Variants in HDAC9 observed in about 807,000 individuals in gnomAD.
HDAC9 encodes MEF-2 interacting transcription repressor (MITR) protein.
In HDAC9, 41 loss-of-function variants were observed where a neutral mutation model predicts 139.4. The observed-to-expected ratio is 0.29, with a 90% CI of 0.23 to 0.38. The LOEUF (loss-of-function observed/expected upper bound fraction) is 0.38, where lower values mean the gene tolerates loss of function less well. Among genes scored for constraint, HDAC9 ranks in the 10% least tolerant of loss-of-function variants. The pLI is 1.00. For synonymous variants in HDAC9, 517 were observed against 476.2 expected, an observed-to-expected ratio of 1.09 and a Z score of -1.12; for missense variants, 1,147 against 1,297.0, an observed-to-expected ratio of 0.88 and a Z score of 1.78.
chr7:18,193,875 T>C (rs1460697365), intron 2 of HDAC9, among the ~76,000 whole-genome samples: 1 of 152,204 alleles, frequency 6.6e-6, no homozygotes, highest in Non-Finnish European at 1.5e-5. Flanking sequence ...GAAGGTGGTG[T>C]TCTGTTTTAT....
chr7:18,952,204 C>T (rs896670416), intron 23 of HDAC9, among the ~76,000 whole-genome samples: 1 of 151,890 alleles, frequency 6.6e-6, no homozygotes, highest in African/African-American at 2.4e-5. Flanking sequence ...ATAGACACAA[C>T]CCTTTTGCAT....
intron 2 of HDAC9, among the ~76,000 whole-genome samples, chr7:18,271,171 C>T (rs1434259402): frequency 1.3e-5 from 2 of 152,000 alleles, no homozygotes; most frequent in Admixed American, 6.6e-5. Context: ...TCTTGTAGAA[C>T]GTGTAATTGG....
intron 13 of HDAC9, among the ~76,000 whole-genome samples, chr7:18,732,939 G>GTA (rs1554339650): frequency 1.5e-5 from 2 of 133,574 alleles, no homozygotes; most frequent in African/African-American, 6.2e-5. Context: ...GTATGTATGT[G>GTA]TATACACACG....
At chr7:18,789,441 T>C (rs999603332) in intron 16 of HDAC9, among the ~76,000 whole-genome samples, 1 of 152,110 alleles carries the variant, frequency 6.6e-6, no homozygotes, top group Non-Finnish European at 1.5e-5. Flanking sequence ...AATATAGTAG[T>C]TCTATTTTTA....
chr7:18,196,051 A>C (rs550643592), intron 2 of HDAC9, among the ~76,000 whole-genome samples: 19 of 152,270 alleles, frequency 1.2e-4, no homozygotes, highest in African/African-American at 4.3e-4. Context: ...AGCATGCATT[A>C]CATTCCTCCA....
chr7:18,243,065 T>C (rs1424815003), intron 2 of HDAC9, among the ~76,000 whole-genome samples: 1 of 152,074 alleles, frequency 6.6e-6, no homozygotes, highest in Non-Finnish European at 1.5e-5. Flanking sequence ...ATGTTTAGAG[T>C]CTTGTTGATT....
chr7:18,990,432 G>A (rs531813756), intron 25 of HDAC9, among the ~76,000 whole-genome samples: 24 of 152,258 alleles, frequency 1.6e-4, no homozygotes, highest in African/African-American at 5.8e-4. Flanking sequence ...CGTGCTGGGA[G>A]AGCCACTGCT....
At chr7:18,264,504 G>A (rs1795882471) in intron 2 of HDAC9, among the ~76,000 whole-genome samples, 1 of 152,066 alleles carries the variant, frequency 6.6e-6, no homozygotes, top group African/African-American at 2.4e-5. Context: ...GTCACATTAT[G>A]GCTTAAAAAT....
intron 12 of HDAC9, among the ~76,000 whole-genome samples, chr7:18,688,822 G>A (rs1202360346): frequency 6.6e-6 from 1 of 151,864 alleles, no homozygotes; most frequent in Non-Finnish European, 1.5e-5. Context: ...GACCCTAATG[G>A]TTACAGAGAA....
rs150695332 is a variant in HDAC9, at chr7:18,372,868, A to G, written c.-42+82353A>G. On this transcript the variant is annotated intron_variant, in intron 1 of 3. Coordinates refer to the HDAC9 transcript ENST00000413509. ...GCATTTGGTACAGGCAAACAGAGGT[A>G]TTAACCATATAACAGATTTCTCTAT... 7.8e-3 allele frequency among the ~76,000 whole-genome samples: 1,191 copies of G among 152,340 alleles called. 13 individuals carry two copies. The highest frequency in any genetic ancestry group is 0.011 in the Non-Finnish European group (780 of 68,028).
intron 16 of HDAC9, among the ~76,000 whole-genome samples, chr7:18,781,045 T>G (rs1025595036): frequency 3.3e-5 from 5 of 152,020 alleles, no homozygotes; most frequent in African/African-American, 7.2e-5. Flanking sequence ...CTCCTAAGGC[T>G]TCTCTCCTGG....
At chr7:18,847,263 A>G (rs1385406799) in intron 21 of HDAC9, among the ~76,000 whole-genome samples, 7 of 152,186 alleles carry the variant, frequency 4.6e-5, no homozygotes, top group African/African-American at 1.7e-4. Context: ...TTACGCACAT[A>G]CATTCCTTAC....
At chr7:18,744,526 T>C (rs1347829413) in intron 13 of HDAC9, among the ~76,000 whole-genome samples, 1 of 152,128 alleles carries the variant, frequency 6.6e-6, no homozygotes, top group African/African-American at 2.4e-5. Context: ...AGAAATGCAA[T>C]ATGAAGTTGA....
chr7:18,099,141 A>G (rs1223826407), intron 1 of HDAC9, among the ~76,000 whole-genome samples: 1 of 152,186 alleles, frequency 6.6e-6, no homozygotes, highest in African/African-American at 2.4e-5. Flanking sequence ...ATTTAGTATT[A>G]TAATGAAACA....
At chr7:18,773,717 T>TA (rs111604688) in intron 16 of HDAC9, among the ~76,000 whole-genome samples, 2,480 of 144,408 alleles carry the variant, frequency 0.017, 71 homozygotes, top group African/African-American at 0.061. Context: ...TGGTACTACC[T>TA]AAAAAAAAAT....
In HDAC9 at chr7:18,999,532, C is replaced by G. The variant is rs1007187578; in HGVS notation, c.*3470C>G. The G allele has an allele frequency of 2.0e-5, 3 of 152,276 alleles. No homozygotes were observed. The highest frequency in any genetic ancestry group is 7.2e-5 in the African/African-American group (3 of 41,452). The allele number at this position is 152,276 out of a possible 1,614,324, so 9.4% of individuals were successfully genotyped here. ...AGTGCAATGGCGCAATCTCGACTCA[C>G]TGCAACCTCCGCCTCCCGGGTTCAA... On this transcript the variant is annotated 3_prime_UTR_variant, in exon 26 of 26. Coordinates refer to ENST00000686413, the MANE Select transcript of HDAC9 (RefSeq NM_178425.4).
intron 14 of HDAC9, among the ~76,000 whole-genome samples, chr7:18,755,046 T>C (rs899139716): frequency 6.6e-6 from 1 of 151,984 alleles, no homozygotes; most frequent in Admixed American, 6.6e-5. Context: ...CAAAAAAAAA[T>C]TTTATGTGTT....
chr7:18,487,057 A>G (rs574590018), intron 1 of HDAC9, among the ~76,000 whole-genome samples: 9 of 152,220 alleles, frequency 5.9e-5, no homozygotes, highest in East Asian at 1.9e-4. Context: ...AAGGGCTTCT[A>G]TCTCCCTTCT....
intron 1 of HDAC9, among the ~76,000 whole-genome samples, chr7:18,433,239 A>G (rs959754005): frequency 3.3e-5 from 5 of 152,206 alleles, no homozygotes; most frequent in African/African-American, 1.2e-4. Context: ...TTGAAGGAAC[A>G]TACCTCAAAT....
Sources: gnomAD v4.1 joint callset for allele counts (sites outside exome capture counted in the v4.1 genomes callset) on GRCh38, gnomAD v4.1.1 for gene constraint, MANE v1.5 for transcripts, NCBI Gene and HGNC (gene_info 2026-07-23, HGNC 2026-07-21) for gene names.